CLASP2: variants seen among roughly 807,000 people sequenced by gnomAD.
CLASP2 encodes the protein CLIP-associating protein 2.
A neutral mutation model predicts 194.4 loss-of-function variants in CLASP2; 47 were observed. That is an observed-to-expected ratio of 0.24 (90% CI 0.19 to 0.31). CLASP2 has a LOEUF of 0.31. CLASP2 is among the 10% of genes least tolerant of loss of function. The pLI, the probability that CLASP2 is intolerant of heterozygous loss-of-function variation, is 1.00. For missense variants in CLASP2, 1,445 were observed against 1,823.6 expected (o/e 0.79, Z 3.78); for synonymous variants, 619 against 633.5 (o/e 0.98, Z 0.34).
intron 6 of CLASP2, among the ~76,000 whole-genome samples, chr3:33,679,505 C>T (rs1164739367): frequency 6.6e-6 from 1 of 151,856 alleles, no homozygotes; most frequent in East Asian, 1.9e-4. Flanking sequence ...GGACTGCTTC[C>T]CAAAATAAAA....
intron 9 of CLASP2, 146 bp downstream of exon 9, chr3:33,632,146 A>G: frequency 2.0e-6 from 1 of 494,458 alleles, no homozygotes; most frequent in Non-Finnish European, 3.6e-6. Flanking sequence ...TTGTACCAAC[A>G]AATAATGGCT....
chr3:33,630,108 T>C (rs1040190534), intron 9 of CLASP2, among the ~76,000 whole-genome samples: 1 of 152,182 alleles, frequency 6.6e-6, no homozygotes, highest in Non-Finnish European at 1.5e-5. Context: ...TGTGTGACTA[T>C]GAACTGGGTA....
At chr3:33,589,171 G>A (rs9817358) in intron 21 of CLASP2, among the ~76,000 whole-genome samples, 45,637 of 151,892 alleles carry the variant, frequency 0.3, 7,447 homozygotes, top group Admixed American at 0.42. Flanking sequence ...GATGCACCAA[G>A]AAAAACAAAA....
chr3:33,541,466 C>T lies in CLASP2; in HGVS notation c.3404+1967G>A, dbSNP rs527583794. Among the ~76,000 whole-genome samples the T allele has an allele frequency of 2.0e-5, 3 of 152,246 alleles. No individual in the cohort carries two copies. The South Asian group carries it at 6.2e-4, about 32-fold the overall frequency. On this transcript the variant is annotated intron_variant, in intron 32 of 38. Transcript: ENST00000682230. ...GCCTAGTGTCCATTAATTATTTTTC[C>T]TGATCCTCTCCCTCCTCCTACCCTC...
rs188441565 is a variant in CLASP2 at position 33,557,206 on chromosome 3, T to G, written c.3009+2101A>C. Among the ~76,000 whole-genome samples the G allele has an allele frequency of 2.0e-5, 3 of 152,176 alleles. No homozygotes were observed. In the East Asian group the frequency reaches 5.8e-4, roughly 29 times the overall value. ...CCAGGCTGGTCTCAAACTCCTGACC[T>G]CAAGTGATCCGCCTGCCTCAGCCTC... is the stretch of plus-strand genomic sequence containing the variant. On this transcript the variant is annotated intron_variant, in intron 29 of 38. Coordinates refer to ENST00000682230, the MANE Select transcript of CLASP2 (RefSeq NM_001365631.1).
Position 33,496,649 on chromosome 3 carries a change from A to T in CLASP2, c.*1982T>A, listed in dbSNP as rs1317753600. 1 of 152,132 alleles carries T rather than the reference A, an allele frequency of 6.6e-6. No homozygotes were observed. Among genetic ancestry groups the T allele is most frequent in the African/African-American group, 2.4e-5 (1 of 41,436 alleles). The allele number at this position is 152,132 out of a possible 1,614,324, so 9.4% of individuals were successfully genotyped here. A position where few individuals can be genotyped will look rare whatever the true frequency, so the allele number is the denominator to read the frequency against. On this transcript the variant is annotated 3_prime_UTR_variant, in exon 39 of 39. Transcript: ENST00000682230. ...AGTTAGTTACTGTTCAGCTTAAGTC[A>T]CTCTACTTGGTTGTCAACAGTAGTT... is the stretch of plus-strand genomic sequence containing the variant.
intron 23 of CLASP2, among the ~76,000 whole-genome samples, chr3:33,578,091 C>T (rs1576677506): frequency 1.3e-5 from 2 of 152,286 alleles, no homozygotes; most frequent in South Asian, 4.1e-4. Context: ...TGATACATTT[C>T]AGTATCTATA....
chr3:33,626,634 T>G (rs1247538031), intron 10 of CLASP2, among the ~76,000 whole-genome samples: 3 of 152,128 alleles, frequency 2.0e-5, no homozygotes, highest in Admixed American at 6.6e-5. Context: ...GTGAACTGCT[T>G]TATTGGTAAA....
chr3:33,571,792 G>A (rs1386582418), intron 25 of CLASP2, among the ~76,000 whole-genome samples: 1 of 152,100 alleles, frequency 6.6e-6, no homozygotes, highest in Non-Finnish European at 1.5e-5. Flanking sequence ...GACAAAGCGA[G>A]ATCTCATCTC....
At chr3:33,618,060 T>C (rs892572870) in intron 12 of CLASP2, among the ~76,000 whole-genome samples, 15 of 151,260 alleles carry the variant, frequency 9.9e-5, no homozygotes, top group Non-Finnish European at 1.3e-4. Context: ...GTGATTCTCC[T>C]GCCTCAGCTT....
chr3:33,621,415 GTA>G (rs1165014157), intron 11 of CLASP2, among the ~76,000 whole-genome samples: 2 of 152,110 alleles, frequency 1.3e-5, no homozygotes, highest in Non-Finnish European at 2.9e-5. Context: ...ACTGGGACTT[GTA>G]TCTTGCAACT....
At chr3:33,533,874 G>A (rs548381126) in intron 34 of CLASP2, among the ~76,000 whole-genome samples, 3 of 152,086 alleles carry the variant, frequency 2.0e-5, no homozygotes, top group South Asian at 2.1e-4. Context: ...GTGCCACCAC[G>A]CCCAGCTAAT....
chr3:33,716,736 C>G (rs1013883984), intron 1 of CLASP2, among the ~76,000 whole-genome samples: 4 of 152,152 alleles, frequency 2.6e-5, no homozygotes, highest in African/African-American at 7.2e-5. Flanking sequence ...GAAGCATCGA[C>G]GTGGGTAACT....
At chr3:33,571,415 G>A (rs146015381) in intron 25 of CLASP2, among the ~76,000 whole-genome samples, 6,541 of 151,814 alleles carry the variant, frequency 0.043, 230 homozygotes, top group Non-Finnish European at 0.066. Flanking sequence ...GATCACTGGA[G>A]GTCAGGAGTT....
At chr3:33,680,251 T>C (rs944070241) in intron 6 of CLASP2, among the ~76,000 whole-genome samples, 3 of 152,204 alleles carry the variant, frequency 2.0e-5, no homozygotes, top group Non-Finnish European at 4.4e-5. Flanking sequence ...AGTAAAACTA[T>C]TCTGTATGAT....
At chr3:33,602,773 A>G in intron 18 of CLASP2, 179 bp downstream of exon 18, 1 of 707,936 alleles carries the variant, frequency 1.4e-6, no homozygotes, top group Non-Finnish European at 2.5e-6. Flanking sequence ...AACAAGGGAA[A>G]AGGAGAAACA....
chr3:33,500,161 T>C (rs1410869441), intron 38 of CLASP2, among the ~76,000 whole-genome samples: 19 of 152,074 alleles, frequency 1.2e-4, no homozygotes. Flanking sequence ...GCCTCCCAAG[T>C]AGCTGGGACC....
At chr3:33,619,224 C>T (rs932508430) in intron 12 of CLASP2, among the ~76,000 whole-genome samples, 1 of 152,092 alleles carries the variant, frequency 6.6e-6, no homozygotes, top group South Asian at 2.1e-4. Flanking sequence ...ATGCAGCCCA[C>T]CATTGACGGA....
chr3:33,515,087 G>A (rs1413084764), intron 36 of CLASP2, among the ~76,000 whole-genome samples: 1 of 151,910 alleles, frequency 6.6e-6, no homozygotes, highest in Non-Finnish European at 1.5e-5. Flanking sequence ...TGGGTGTGGG[G>A]TGAGGGATAA....
Sources: gnomAD v4.1 joint callset for allele counts (sites outside exome capture counted in the v4.1 genomes callset) on GRCh38, gnomAD v4.1.1 for gene constraint, MANE v1.5 for transcripts, NCBI Gene and HGNC (gene_info 2026-07-23, HGNC 2026-07-21) for gene names.